Variants in CCKAR observed in about 807,000 individuals in gnomAD.
CCKAR encodes cholecystokinin A receptor, also known as cholecystokinin receptor type A.
A neutral mutation model predicts 29.8 loss-of-function variants in CCKAR; 21 were observed. The observed-to-expected ratio is 0.70, with a 90% confidence interval of 0.50 to 1.01. CCKAR has a LOEUF of 1.01. Ranked by LOEUF, CCKAR falls within the 50% of genes least tolerant of loss-of-function variation. The pLI is 0.00. For synonymous variants in CCKAR, 238 were observed against 221.3 expected, an observed-to-expected ratio of 1.08 and a Z score of -0.67; for missense variants, 570 against 560.6, an observed-to-expected ratio of 1.02 and a Z score of -0.17.
At position 26,490,262 on chromosome 4, in the gene CCKAR, A is replaced by G. The variant is rs751976222; in HGVS notation, c.6T>C (p.Asp2=). 3.1e-6 allele frequency: 5 copies of G among 1,605,548 alleles called. No homozygotes were observed. In the East Asian group the frequency reaches 8.9e-5, roughly 29 times the overall value. The change falls in exon 1 of 5, where the codon GAT becomes GAC. Residue 2 remains aspartate, a synonymous_variant. Coordinates refer to ENST00000295589, the MANE Select transcript of CCKAR (RefSeq NM_000730.3). The stretch of plus-strand genomic sequence containing the variant: ...CATTCACAAGAAGGCTGTCAACCAC[A>G]TCCATCCTTGCCTGCTGCTTTCCAC... M[D]VVDSLLVNGS...
chr4:26,490,321 C>A lies in CCKAR; in HGVS notation c.-54G>T. 2 of 1,176,780 alleles carry A rather than the reference C, an allele frequency of 1.7e-6. No homozygotes were observed. Among genetic ancestry groups the A allele is most frequent in the Non-Finnish European group, 2.5e-6 (2 of 786,322 alleles). The allele number at this position is 1,176,780 out of a possible 1,614,324, so 72.9% of individuals were successfully genotyped here. On this transcript the variant is annotated 5_prime_UTR_variant, in exon 1 of 5. Transcript: ENST00000295589. ...GGAGAGCTGGTGAATTGCTCACTCCCGGCTCATTCCTCTAATGACCGAAGC... is the reference window on the plus strand; with the variant it reads ...GGAGAGCTGGTGAATTGCTCACTCCAGGCTCATTCCTCTAATGACCGAAGC...
At chr4:26,482,233 G>GC (rs1225512218) in intron 4 of CCKAR, 63 bp from the exon 5 acceptor site, 4 of 1,473,234 alleles carry the variant, frequency 2.7e-6, no homozygotes, top group Non-Finnish European at 3.7e-6. Flanking sequence ...AAGGCATGGA[G>GC]CCCCCACTCC....
At chr4:26,488,028 C>T (rs1391918908) in intron 2 of CCKAR, among the ~76,000 whole-genome samples, 3 of 151,876 alleles carry the variant, frequency 2.0e-5, no homozygotes, top group Non-Finnish European at 4.4e-5. Context: ...ATCCCACTTC[C>T]TCAACTGGGA....
In CCKAR at chr4:26,482,142, G is replaced by A. The variant is rs200079526; in HGVS notation, c.783C>T (p.Gly261=). The A allele has an allele frequency of 7.4e-6, 12 of 1,611,684 alleles. No individual in the cohort carries two copies. The African/African-American group carries it at 9.3e-5, about 13-fold the overall frequency. Reference sequence around the variant, plus strand: ...AACACCCATCGCTGTCCTCATATTTGCCGCTGCTGGTGGTGCTAGGTTTCC... The same window carrying A: ...AACACCCATCGCTGTCCTCATATTTACCGCTGCTGGTGGTGCTAGGTTTCC... The part of the protein sequence containing the change: ...KERKPSTTSS[G]KYEDSDGCYL... Residue 261 remains glycine (G), a synonymous_variant, in exon 5 of 5, where the codon GGC becomes GGT. Transcript: ENST00000295589.
In CCKAR at chr4:26,483,282, G is replaced by A. The variant is rs41267457; in HGVS notation, c.628C>T (p.His210Tyr). The change falls in exon 4 of 5, where the codon CAC (histidine) becomes TAC (tyrosine). Residue 210 changes from histidine (H) to tyrosine (Y), a missense_variant and splice_region_variant. His to Tyr is a moderately conservative substitution (Grantham distance 83). Transcript: ENST00000295589. ...LPNDVMQQSW[H>Y]TFLLLILFLI... ...AAGAGGATGAGTAACAGGAATGTGT[G>A]CCTAATGAAATCAAAAGAAATCCAA... is the stretch of plus-strand genomic sequence containing the variant. The A allele has an allele frequency of 2.3e-3, 3,696 of 1,611,660 alleles. 13 individuals are homozygous for A. Among genetic ancestry groups the A allele is most frequent in the Non-Finnish European group, 2.6e-3 (3,125 of 1,179,390 alleles).
rs764437355 is a variant in CCKAR, at chr4:26,482,030, T to C, written c.895A>G (p.Asn299Asp). ...GCCATCAGGTTGGCTGCGGAGCTGT[T>C]ACTCCGGATGCGGTTGGCCCTGCTG... ...SSSRANRIRS[N>D]SSAANLMAKK... Residue 299 changes from asparagine to aspartate, a missense_variant, in exon 5 of 5, where the codon AAC becomes GAC. By Grantham distance (23) the Asn-to-Asp change is conservative. Transcript: ENST00000295589. The C allele has an allele frequency of 1.9e-6, 3 of 1,614,250 alleles. No individual in the cohort carries two copies. In the South Asian group the frequency reaches 3.3e-5, roughly 18 times the overall value.
In CCKAR at chr4:26,485,052, G is replaced by C. The variant is rs1463135910; in HGVS notation, c.626+585C>G. Among the ~76,000 whole-genome samples, 11 of 151,530 alleles carry C rather than the reference G, an allele frequency of 7.3e-5. No homozygotes were observed. The South Asian group carries it at 2.3e-3, about 32-fold the overall frequency. On this transcript the variant is annotated intron_variant, in intron 3 of 4. Transcript: ENST00000295589. ...AATAAAAATGCAAAAAAATTAGCCG[G>C]GCATGGTGGTGCATGCCTGTAATCC...
rs368386080 is a variant in CCKAR, at chr4:26,482,188, A to G, written c.755-18T>C. On this transcript the variant is annotated intron_variant, in intron 4 of 4. Coordinates refer to ENST00000295589, the MANE Select transcript of CCKAR (RefSeq NM_000730.3). ...TTTCCTTTCTGGGTGGGCAAGAGACATCACTCATTGCTGGGGATGGGTCAT... is the reference window on the plus strand; with the variant it reads ...TTTCCTTTCTGGGTGGGCAAGAGACGTCACTCATTGCTGGGGATGGGTCAT... 1.7e-5 allele frequency: 27 copies of G among 1,590,148 alleles called. No individual in the cohort carries two copies. Among genetic ancestry groups the G allele is most frequent in the African/African-American group, 2.7e-5 (2 of 74,254 alleles).
At chr4:26,485,543 T>A in intron 3 of CCKAR, 94 bp downstream of exon 3, 1 of 1,357,190 alleles carries the variant, frequency 7.4e-7, no homozygotes, top group East Asian at 2.3e-5. Context: ...AGGAAACTGA[T>A]CCCCCAACCA....
chr4:26,490,208 G>A lies in CCKAR; in HGVS notation c.60C>T (p.Leu20=), dbSNP rs115609834. The part of the protein sequence containing the change: ...NGSNITPPCE[L]GLENETLFCL... ...AGAAAAGCGTCTCATTTTCGAGCCCGAGTTCACAGGGAGGAGTGATGTTGC... is the reference window on the plus strand; with the variant it reads ...AGAAAAGCGTCTCATTTTCGAGCCCAAGTTCACAGGGAGGAGTGATGTTGC... Residue 20 remains leucine (L), a synonymous_variant, in exon 1 of 5, where the codon CTC becomes CTT. Transcript: ENST00000295589. 3.1e-6 allele frequency: 5 copies of A among 1,613,678 alleles called. No homozygotes were observed. Among genetic ancestry groups the A allele is most frequent in the Non-Finnish European group, 4.2e-6 (5 of 1,179,888 alleles).
intron 2 of CCKAR, among the ~76,000 whole-genome samples, chr4:26,488,984 T>C (rs1737499510): frequency 6.6e-6 from 1 of 152,144 alleles, no homozygotes; most frequent in South Asian, 2.1e-4. Context: ...CCCTGTGTTT[T>C]CCTATCAATT....
At position 26,485,812 on chromosome 4, in the gene CCKAR, C is replaced by G. The variant is rs762499096; in HGVS notation, c.451G>C (p.Val151Leu). The G allele has an allele frequency of 6.2e-7, 1 of 1,614,022 alleles. No homozygotes were observed. The highest frequency in any genetic ancestry group is 1.7e-5 in the Admixed American group (1 of 60,004). Residue 151 changes from valine (V) to leucine (L), a missense_variant, in exon 3 of 5, where the codon GTC becomes CTC. By Grantham distance (32) the Val-to-Leu change is conservative. Coordinates refer to ENST00000295589, the MANE Select transcript of CCKAR (RefSeq NM_000730.3). ...AAAGCATGGGATTTTGTCTGCCAGA[C>G]CCGGGACTGTAAGGGTTTGCAAATC... Reference protein sequence around the residue: ...GAICKPLQSRVWQTKSHALKV... With the variant: ...GAICKPLQSRLWQTKSHALKV...
chr4:26,486,961 A>G (rs769176547), intron 2 of CCKAR, among the ~76,000 whole-genome samples: 1 of 152,154 alleles, frequency 6.6e-6, no homozygotes, highest in Non-Finnish European at 1.5e-5. Context: ...TAGATGGCCT[A>G]TGGAAAAAAA....
chr4:26,485,222 AAGAAAATCAT>A lies in CCKAR; in HGVS notation c.626+405_626+414del, dbSNP rs375877440. Among the ~76,000 whole-genome samples, 379 of 151,972 alleles carry A rather than the reference AAGAAAATCAT, an allele frequency of 2.5e-3. 2 individuals carry two copies. The highest frequency in any genetic ancestry group is 3.6e-3 in the Non-Finnish European group (247 of 67,938). ...AAAAAAAAAAAAAGAAAGAAAAAGA[AAGAAAATCAT>A]AGCTCTACAATTAATCAGCCTAACC... is the stretch of plus-strand genomic sequence containing the variant. On this transcript the variant is annotated intron_variant, in intron 3 of 4. Transcript: ENST00000295589.
chr4:26,482,000 T>C lies in CCKAR; in HGVS notation c.925A>G (p.Lys309Glu). Residue 309 changes from lysine to glutamate, a missense_variant, in exon 5 of 5, where the codon AAA (lysine) becomes GAA (glutamate). Transcript: ENST00000295589. ...NSSAANLMAK[K>E]RVIRMLIVIV... Reference sequence around the variant, plus strand: ...ACGATGAGCATGCGGATCACCCTTTTCTTGGCCATCAGGTTGGCTGCGGAG... The same window carrying C: ...ACGATGAGCATGCGGATCACCCTTTCCTTGGCCATCAGGTTGGCTGCGGAG... The C allele has an allele frequency of 6.2e-7, 1 of 1,614,232 alleles. No homozygotes were observed. Among genetic ancestry groups the C allele is most frequent in the East Asian group, 2.2e-5 (1 of 44,874 alleles).
rs1737389243 is a variant in CCKAR at position 26,483,354 on chromosome 4, AG to A, written c.627-72del. On this transcript the variant is annotated intron_variant, in intron 3 of 4. Transcript: ENST00000295589. ...CAAACTCAAATGGGAAGGAATGAAT[AG>A]GGTTTATGTTTATTTTTACTGGCCT... 2.0e-6 allele frequency: 3 copies of A among 1,495,508 alleles called. No homozygotes were observed. In the African/African-American group the frequency reaches 4.2e-5, roughly 21 times the overall value. 92.6% of individuals were successfully genotyped at this position (1,495,508 alleles called of 1,614,324 possible).
Position 26,481,715 on chromosome 4 carries a change from C to T in CCKAR, c.1210G>A (p.Glu404Lys). The part of the protein sequence containing the change: ...PGARGEVGEE[E>K]EGGTTGASLS... ...GAGGCTCCTGTGGTCCCGCCTTCCT[C>T]CTCCTCCCCCACCTCTCCCCTCGCC... The change falls in exon 5 of 5, where the codon GAG becomes AAG. Residue 404 changes from glutamate (E) to lysine (K), a missense_variant. Coordinates refer to ENST00000295589, the MANE Select transcript of CCKAR (RefSeq NM_000730.3). The T allele has an allele frequency of 6.2e-7, 1 of 1,614,242 alleles. No homozygotes were observed. Among genetic ancestry groups the T allele is most frequent in the South Asian group, 1.1e-5 (1 of 91,084 alleles).
At chr4:26,483,047 A>G in intron 4 of CCKAR, 109 bp downstream of exon 4, 2 of 1,127,780 alleles carry the variant, frequency 1.8e-6, no homozygotes, top group Non-Finnish European at 2.5e-6. Context: ...AAGAATACTT[A>G]AAAGCTTTTC....
intron 2 of CCKAR, among the ~76,000 whole-genome samples, 166 bp from the exon 3 acceptor site, chr4:26,486,064 G>A (rs1235802672): frequency 6.6e-6 from 1 of 152,186 alleles, no homozygotes; most frequent in Non-Finnish European, 1.5e-5. Flanking sequence ...TTTATTCTCA[G>A]CTTTGTTCCA....
Sources: allele counts gnomAD v4.1 joint callset (sites outside exome capture counted in the v4.1 genomes callset), GRCh38; gene constraint gnomAD v4.1.1; transcripts MANE v1.5; gene names NCBI Gene and HGNC (gene_info 2026-07-23, HGNC 2026-07-21).